The following B3GNT5 variants were observed in gnomAD, a reference collection of about 807,000 sequenced individuals.
B3GNT5 encodes lactosylceramide 1,3-N-acetyl-beta-D-glucosaminyltransferase.
A neutral mutation model predicts 25.9 loss-of-function variants in B3GNT5; 11 were observed. The ratio of observed to expected loss-of-function variants is 0.42; its 90% CI spans 0.27 to 0.70. The LOEUF is 0.70. B3GNT5 is among the 30% of genes least tolerant of loss of function. B3GNT5 has a pLI of 0.23. For synonymous variants in B3GNT5, 166 were observed against 158.6 expected, an observed-to-expected ratio of 1.05 and a Z score of -0.35; for missense variants, 385 against 458.4, an observed-to-expected ratio of 0.84 and a Z score of 1.46.
chr3:183,259,049 G>T (rs6782290), intron 1 of B3GNT5, among the ~76,000 whole-genome samples: 3 of 152,090 alleles, frequency 2.0e-5, no homozygotes, highest in African/African-American at 7.2e-5. Flanking sequence ...AAATGTTTTT[G>T]ATCTGTAGTT....
intron 1 of B3GNT5, among the ~76,000 whole-genome samples, chr3:183,255,807 T>TAAAA (rs543086878): frequency 7.4e-6 from 1 of 134,368 alleles, no homozygotes; most frequent in Non-Finnish European, 1.6e-5. Context: ...GGTGAGATTG[T>TAAAA]AAAAAAAAAA....
At position 183,269,775 on chromosome 3, in the gene B3GNT5, A is replaced by G; in HGVS notation, c.-24A>G. ...CCCGTGCCTGTTTAAAACTGATCCT[A>G]ACTAAAAACAGACTTGAGTGGATAT... On this transcript the variant is annotated 5_prime_UTR_variant, in exon 2 of 2. Coordinates refer to ENST00000326505, the MANE Select transcript of B3GNT5 (RefSeq NM_032047.5). 5.1e-6 allele frequency: 8 copies of G among 1,576,108 alleles called. No individual in the cohort carries two copies. The highest frequency in any genetic ancestry group is 6.9e-6 in the Non-Finnish European group (8 of 1,163,426).
At chr3:183,266,790 C>CT (rs113393313) in intron 1 of B3GNT5, among the ~76,000 whole-genome samples, 542 of 143,654 alleles carry the variant, frequency 3.8e-3, no homozygotes, top group East Asian at 0.012. Context: ...GTGTTTCAGT[C>CT]TTTTTTTTTT....
chr3:183,269,713 AC>A lies in B3GNT5; in HGVS notation c.-85del. 9 of 1,221,312 alleles carry A rather than the reference AC, an allele frequency of 7.4e-6. No individual in the cohort carries two copies. The highest frequency in any genetic ancestry group is 1.0e-5 in the Non-Finnish European group (9 of 868,988). The allele number at this position is 1,221,312 out of a possible 1,614,324, so 75.7% of individuals were successfully genotyped here. On this transcript the variant is annotated 5_prime_UTR_variant, in exon 2 of 2. The change abolishes the stop of an existing upstream ORF in the 5' untranslated region. Transcript: ENST00000326505. Reference sequence around the variant, plus strand: ...CCAACATGTATTAAGATGGACACCTACTCTACGAAACACGAAGTTCTATGGT... The same window carrying A: ...CCAACATGTATTAAGATGGACACCTATCTACGAAACACGAAGTTCTATGGT...
chr3:183,270,949 T>TTGTA lies in B3GNT5; in HGVS notation c.*18_*21dup, dbSNP rs1726717383. On this transcript the variant is annotated 3_prime_UTR_variant, in exon 2 of 2. Coordinates refer to ENST00000326505, the MANE Select transcript of B3GNT5 (RefSeq NM_032047.5). This position sits in a 1 kb window ranked among gnomAD's most constrained non-coding sequence, Gnocchi z 4.5. ...GCGTTTATCTAATAGTACTTGAATG[T>TTGTA]TGTATGTTTTCACTGTCACTGAGTC... 2.6e-6 allele frequency: 4 copies of TTGTA among 1,540,076 alleles called. No homozygotes were observed. The Admixed American group carries it at 8.6e-5, about 33-fold the overall frequency.
chr3:183,267,708 G>A lies in B3GNT5; in HGVS notation c.-301-1790G>A, dbSNP rs768512699. On this transcript the variant is annotated intron_variant, in intron 1 of 1. Transcript: ENST00000326505. The surrounding 1 kb of genome is among the most constrained non-coding windows in gnomAD (Gnocchi z 5.5). ...CCATCCAAGGAAGTGTTTTACCTGT[G>A]GTAAGCACGGGGGACAGAATTCTTG... 1.3e-5 allele frequency among the ~76,000 whole-genome samples: 2 copies of A among 152,204 alleles called. No homozygotes were observed. The highest frequency in any genetic ancestry group is 2.9e-5 in the Non-Finnish European group (2 of 68,026).
intron 1 of B3GNT5, among the ~76,000 whole-genome samples, chr3:183,257,958 C>CTTTTTTTTT (rs35323502): frequency 0.024 from 1,556 of 64,754 alleles, 347 homozygotes; most frequent in African/African-American, 0.072. Flanking sequence ...CCACTTCACC[C>CTTTTTTTTT]TTTTTTTTTT....
At chr3:183,256,084 C>T (rs1725020625) in intron 1 of B3GNT5, among the ~76,000 whole-genome samples, 1 of 152,158 alleles carries the variant, frequency 6.6e-6, no homozygotes, top group Non-Finnish European at 1.5e-5. Context: ...GTCCCCTATT[C>T]AGGGGGAATT....
In B3GNT5 at chr3:183,273,331, ATAAT is replaced by A. The variant is rs1337331395; in HGVS notation, c.*2399_*2402del. On this transcript the variant is annotated 3_prime_UTR_variant, in exon 2 of 2. Transcript: ENST00000326505. ...TTGAATTTTGCTCTTGTATGGCAAAATAATTAGTGAGTTTAAAAAAAATCTATAG... is the reference window on the plus strand; with the variant it reads ...TTGAATTTTGCTCTTGTATGGCAAAATAGTGAGTTTAAAAAAAATCTATAG... 14 of 254,064 alleles carry A rather than the reference ATAAT, an allele frequency of 5.5e-5. No individual in the cohort carries two copies. Among genetic ancestry groups the A allele is most frequent in the African/African-American group, 1.6e-4 (7 of 44,868 alleles). The allele number at this position is 254,064 out of a possible 1,614,324, so 15.7% of individuals were successfully genotyped here.
intron 1 of B3GNT5, among the ~76,000 whole-genome samples, chr3:183,268,212 T>C (rs776489517): frequency 1.3e-5 from 2 of 152,212 alleles, no homozygotes; most frequent in African/African-American, 2.4e-5. Flanking sequence ...AATTTGGTAT[T>C]GTCAAATGAT....
At chr3:183,255,717 G>T (rs569941537) in intron 1 of B3GNT5, among the ~76,000 whole-genome samples, 1 of 151,800 alleles carries the variant, frequency 6.6e-6, no homozygotes, top group East Asian at 1.9e-4. Flanking sequence ...TAAAGTGCAG[G>T]CCCCATCAAG....
chr3:183,270,382 A>G lies in B3GNT5; in HGVS notation c.584A>G (p.Asp195Gly). The change falls in exon 2 of 2, where the codon GAC (aspartate) becomes GGC (glycine). Residue 195 changes from aspartate to glycine, a missense_variant. Transcript: ENST00000326505. The surrounding 1 kb of genome is among the most constrained non-coding windows in gnomAD (Gnocchi z 4.5). ...AAATTTCTTATGACTGCTGATGATG[A>G]CATATTTATTCACATGCCAAATCTG... ...HAKFLMTADD[D>G]IFIHMPNLIE... 6.2e-7 allele frequency: 1 copy of G among 1,614,230 alleles called. No homozygotes were observed. Among genetic ancestry groups the G allele is most frequent in the East Asian group, 2.2e-5 (1 of 44,890 alleles).
At chr3:183,258,305 ACTC>A (rs1725272082) in intron 1 of B3GNT5, 1 of 151,682 alleles carries the variant, frequency 6.6e-6, no homozygotes, top group Non-Finnish European at 1.5e-5. Context: ...TCCTTGCCCT[ACTC>A]CTCCCTTCTC....
intron 1 of B3GNT5, among the ~76,000 whole-genome samples, chr3:183,260,999 C>A (rs9819105): frequency 1.3e-5 from 2 of 152,012 alleles, no homozygotes; most frequent in Non-Finnish European, 2.9e-5. Context: ...GGTAGAATTT[C>A]TTTTCTTTTT....
intron 1 of B3GNT5, chr3:183,254,166 G>C (rs1360857411): frequency 2.0e-5 from 3 of 151,840 alleles, no homozygotes; most frequent in Non-Finnish European, 4.4e-5. Context: ...GAGGTCTCTG[G>C]AGGAGAAGAG....
chr3:183,258,892 T>G (rs1725326737), intron 1 of B3GNT5, among the ~76,000 whole-genome samples: 2 of 152,172 alleles, frequency 1.3e-5, no homozygotes, highest in Non-Finnish European at 2.9e-5. Flanking sequence ...ACCTGGCCCA[T>G]GTACTTTAAA....
intron 1 of B3GNT5, among the ~76,000 whole-genome samples, chr3:183,259,196 A>G (rs1253634905): frequency 6.6e-6 from 1 of 152,176 alleles, no homozygotes; most frequent in Non-Finnish European, 1.5e-5. Flanking sequence ...TTCTGGGGCA[A>G]AGCCAGCCTA....
At chr3:183,256,110 TA>T (rs1212094514) in intron 1 of B3GNT5, among the ~76,000 whole-genome samples, 1 of 152,238 alleles carries the variant, frequency 6.6e-6, no homozygotes, top group Non-Finnish European at 1.5e-5. Flanking sequence ...TATGCTGAAG[TA>T]AATAGATCTC....
At position 183,267,250 on chromosome 3, in the gene B3GNT5, G is replaced by A. The variant is rs1328584763; in HGVS notation, c.-301-2248G>A. Among the ~76,000 whole-genome samples the A allele has an allele frequency of 1.3e-5, 2 of 152,196 alleles. No homozygotes were observed. Among genetic ancestry groups the A allele is most frequent in the Non-Finnish European group, 2.9e-5 (2 of 68,040 alleles). Reference sequence around the variant, plus strand: ...TGCTGGTTGTGGCTTCCTAAGTGGTGCGTGCAGTTTTCAAATCAATGCCCT... The same window carrying A: ...TGCTGGTTGTGGCTTCCTAAGTGGTACGTGCAGTTTTCAAATCAATGCCCT... On this transcript the variant is annotated intron_variant, in intron 1 of 1. Transcript: ENST00000326505. The surrounding 1 kb of genome is among the most constrained non-coding windows in gnomAD (Gnocchi z 5.5).
Sources: gnomAD v4.1 joint callset for allele counts (sites outside exome capture counted in the v4.1 genomes callset) on GRCh38, gnomAD v4.1.1 for gene constraint, Gnocchi (gnomAD v3.1) non-coding constraint, MANE v1.5 for transcripts, NCBI Gene and HGNC (gene_info 2026-07-23, HGNC 2026-07-21) for gene names.